Variants in OPCML observed in about 807,000 individuals in gnomAD.
The protein encoded by OPCML is opioid binding protein/cell adhesion molecule like, also known as opioid-binding protein/cell adhesion molecule.
Under a neutral mutation model 37.8 loss-of-function variants are expected in OPCML, and 13 were observed. The observed-to-expected ratio is 0.34, with a 90% CI of 0.22 to 0.55. The LOEUF is 0.55. Among genes scored for constraint, OPCML ranks in the 20% least tolerant of loss-of-function variants. OPCML has a pLI of 0.91. For missense variants in OPCML, 341 were observed against 435.6 expected (o/e 0.78, Z 1.93); for synonymous variants, 176 against 168.8 (o/e 1.04, Z -0.33).
intron 3 of OPCML, among the ~76,000 whole-genome samples, chr11:132,548,330 T>G (rs922019498): frequency 1.3e-5 from 2 of 152,066 alleles, no homozygotes; most frequent in African/African-American, 2.4e-5. Context: ...AGCTTAGAAA[T>G]GTGTACAGAA....
chr11:132,950,236 G>T (rs1179844081), intron 1 of OPCML, among the ~76,000 whole-genome samples: 3 of 152,160 alleles, frequency 2.0e-5, no homozygotes, highest in Non-Finnish European at 4.4e-5. Context: ...GATTGCAGGG[G>T]TACAGAGTAG....
intron 1 of OPCML, among the ~76,000 whole-genome samples, chr11:133,326,828 G>C (rs1943476873): frequency 6.8e-6 from 1 of 146,440 alleles, no homozygotes; most frequent in East Asian, 2.1e-4. Context: ...GGTGGGGGTT[G>C]TGGGTGTATG....
intron 1 of OPCML, among the ~76,000 whole-genome samples, chr11:133,123,895 G>A (rs559126112): frequency 6.5e-4 from 99 of 152,184 alleles, no homozygotes; most frequent in African/African-American, 2.3e-3. Flanking sequence ...CCAGAAGGAG[G>A]AAGTGGGATA....
chr11:132,970,398 A>G (rs1018545631), intron 1 of OPCML, among the ~76,000 whole-genome samples: 8 of 152,182 alleles, frequency 5.3e-5, no homozygotes, highest in Admixed American at 5.2e-4. Flanking sequence ...TTAGGACAAA[A>G]AAACCCCAGC....
intron 1 of OPCML, among the ~76,000 whole-genome samples, chr11:133,347,802 T>C (rs578083511): frequency 7.0e-4 from 107 of 152,274 alleles, no homozygotes; most frequent in African/African-American, 2.4e-3. Flanking sequence ...ATAAATATAC[T>C]TGGGGGTGAG....
intron 1 of OPCML, among the ~76,000 whole-genome samples, chr11:133,068,743 C>A (rs935264074): frequency 6.6e-6 from 1 of 152,184 alleles, no homozygotes; most frequent in East Asian, 1.9e-4. Flanking sequence ...TATGTGTATG[C>A]ATAAGTTAGC....
intron 4 of OPCML, 172 bp from the exon 5 acceptor site, chr11:132,437,531 A>C: frequency 2.1e-6 from 2 of 957,386 alleles, no homozygotes; most frequent in Non-Finnish European, 2.5e-6. Context: ...CGGCAAAGGA[A>C]GAAAGAAATT....
At chr11:132,752,221 G>A (rs1945859801) in intron 2 of OPCML, among the ~76,000 whole-genome samples, 1 of 151,250 alleles carries the variant, frequency 6.6e-6, no homozygotes, top group Non-Finnish European at 1.5e-5. Flanking sequence ...GTATTTTGAA[G>A]TTTGTTGCCA....
At chr11:132,587,252 A>G (rs534544529) in intron 3 of OPCML, among the ~76,000 whole-genome samples, 3 of 152,386 alleles carry the variant, frequency 2.0e-5, no homozygotes, top group African/African-American at 7.2e-5. Flanking sequence ...CCAACAGAGA[A>G]CTATACATCA....
intron 4 of OPCML, among the ~76,000 whole-genome samples, chr11:132,521,605 C>T (rs1443627714): frequency 3.3e-5 from 5 of 151,018 alleles, no homozygotes; most frequent in Non-Finnish European, 4.4e-5. Flanking sequence ...TGGGGCTTGT[C>T]GGGGTGTGAG....
intron 1 of OPCML, among the ~76,000 whole-genome samples, chr11:133,403,953 C>G (rs1393506542): frequency 1.3e-5 from 2 of 152,262 alleles, no homozygotes; most frequent in East Asian, 3.9e-4. Flanking sequence ...TGCAAATTAC[C>G]ATAAGTAGTG....
At chr11:133,517,118 T>G (rs886579151) in intron 1 of OPCML, among the ~76,000 whole-genome samples, 1 of 152,226 alleles carries the variant, frequency 6.6e-6, no homozygotes, top group African/African-American at 2.4e-5. Context: ...GTGGCACGAC[T>G]CTCTGCAATG....
chr11:132,628,393 G>C (rs1939875381), intron 3 of OPCML, among the ~76,000 whole-genome samples: 1 of 152,196 alleles, frequency 6.6e-6, no homozygotes, highest in Non-Finnish European at 1.5e-5. Flanking sequence ...TGTTTCTGTT[G>C]ACATGTGTGT....
intron 2 of OPCML, among the ~76,000 whole-genome samples, chr11:132,714,447 C>T (rs1411107904): frequency 6.6e-6 from 1 of 152,170 alleles, no homozygotes; most frequent in Non-Finnish European, 1.5e-5. Context: ...GAAGATGCTT[C>T]AAAAGCACAT....
chr11:132,991,712 G>A (rs775690641), intron 1 of OPCML, among the ~76,000 whole-genome samples: 20 of 152,172 alleles, frequency 1.3e-4, no homozygotes, highest in East Asian at 1.9e-4. Context: ...AACCTGAGGC[G>A]TCTGAAGGGA....
intron 2 of OPCML, among the ~76,000 whole-genome samples, chr11:132,762,904 C>T (rs1946313760): frequency 6.6e-6 from 1 of 152,076 alleles, no homozygotes. Context: ...GCCCAAAGAG[C>T]CGCCCAGTTT....
chr11:133,529,577 G>A (rs911893315), intron 1 of OPCML, among the ~76,000 whole-genome samples: 3 of 152,196 alleles, frequency 2.0e-5, no homozygotes, highest in East Asian at 1.9e-4. Flanking sequence ...GAAGGTACCA[G>A]GCGACAACAG....
chr11:132,716,412 G>A lies in OPCML; in HGVS notation c.147-59093C>T, dbSNP rs10791247. ...TATTTATCTATCTATCTATCTGTCTGTCTATCTATCTATCTATCTATCTAT... is the reference window on the plus strand; with the variant it reads ...TATTTATCTATCTATCTATCTGTCTATCTATCTATCTATCTATCTATCTAT... On this transcript the variant is annotated intron_variant, in intron 2 of 7. Transcript: ENST00000524381. 8.4e-3 allele frequency among the ~76,000 whole-genome samples: 875 copies of A among 103,966 alleles called. 1 individual carries two copies. The highest frequency in any genetic ancestry group is 0.016 in the African/African-American group (358 of 22,746). The allele number at this position is 103,966 out of a possible 152,430, so 68.2% of individuals were successfully genotyped here. A position where few individuals can be genotyped will look rare whatever the true frequency, so the allele number is the denominator to read the frequency against.
intron 1 of OPCML, among the ~76,000 whole-genome samples, chr11:133,180,519 C>A (rs1387185523): frequency 6.6e-6 from 1 of 152,152 alleles, no homozygotes; most frequent in Admixed American, 6.5e-5. Context: ...GCAAGAGGAT[C>A]TGCACAAGAA....
Sources: gnomAD v4.1 joint callset for allele counts (sites outside exome capture counted in the v4.1 genomes callset) on GRCh38, gnomAD v4.1.1 for gene constraint, MANE v1.5 for transcripts, NCBI Gene and HGNC (gene_info 2026-07-23, HGNC 2026-07-21) for gene names.